Variants in TSHZ2 observed in about 807,000 individuals in gnomAD.
TSHZ2 encodes the protein teashirt homolog 2.
Under a neutral mutation model 74.4 loss-of-function variants are expected in TSHZ2, and 21 were observed. The ratio of observed to expected loss-of-function variants is 0.28; its 90% CI spans 0.20 to 0.41. The LOEUF (loss-of-function observed/expected upper bound fraction) is 0.41. TSHZ2 is among the 10% of genes least tolerant of loss of function. The pLI is 1.00. For synonymous variants in TSHZ2, 540 were observed against 515.3 expected, an observed-to-expected ratio of 1.05 and a Z score of -0.65; for missense variants, 1,244 against 1,293.5, an observed-to-expected ratio of 0.96 and a Z score of 0.59.
At chr20:53,110,274 C>G (rs1243357391) in intron 1 of TSHZ2, among the ~76,000 whole-genome samples, 1 of 152,138 alleles carries the variant, frequency 6.6e-6, no homozygotes, top group Non-Finnish European at 1.5e-5. Flanking sequence ...AAAACAAGGA[C>G]AGCCAAATTT....
At chr20:53,032,820 A>G (rs968775449) in intron 1 of TSHZ2, among the ~76,000 whole-genome samples, 3 of 152,066 alleles carry the variant, frequency 2.0e-5, no homozygotes, top group Non-Finnish European at 4.4e-5. Context: ...TGTGGGAGTA[A>G]GAATGCCTGG....
intron 1 of TSHZ2, among the ~76,000 whole-genome samples, chr20:53,133,869 G>A (rs1196534499): frequency 2.7e-5 from 4 of 149,372 alleles, no homozygotes; most frequent in African/African-American, 9.9e-5. Context: ...CTAACCCTTT[G>A]ACCAATAGAA....
At chr20:53,346,335 C>T (rs1056611956) in intron 2 of TSHZ2, among the ~76,000 whole-genome samples, 2 of 152,106 alleles carry the variant, frequency 1.3e-5, no homozygotes, top group Non-Finnish European at 2.9e-5. Context: ...ATCAGCATTG[C>T]AGAGACAACA....
intron 1 of TSHZ2, among the ~76,000 whole-genome samples, chr20:53,196,055 G>A (rs1413839194): frequency 6.6e-6 from 1 of 152,148 alleles, no homozygotes; most frequent in Non-Finnish European, 1.5e-5. Context: ...CACAGAAAGG[G>A]CTTCTGTCGG....
chr20:53,378,849 A>C (rs895624697), intron 2 of TSHZ2, among the ~76,000 whole-genome samples: 3 of 152,354 alleles, frequency 2.0e-5, no homozygotes. Flanking sequence ...GATGTAAATA[A>C]AACCACTAAA....
At chr20:53,274,355 G>A (rs962790712) in intron 2 of TSHZ2, among the ~76,000 whole-genome samples, 3 of 152,152 alleles carry the variant, frequency 2.0e-5, no homozygotes, top group Non-Finnish European at 2.9e-5. Flanking sequence ...CGCTGTGCTC[G>A]CCTTCCTATT....
At chr20:53,417,294 T>C (rs922138205) in intron 2 of TSHZ2, among the ~76,000 whole-genome samples, 1 of 151,682 alleles carries the variant, frequency 6.6e-6, no homozygotes, top group African/African-American at 2.4e-5. Context: ...GTTTTTTTTT[T>C]TTATTTGTTT....
Position 53,417,912 on chromosome 20 carries a change from T to C in TSHZ2, c.*9-69232T>C, listed in dbSNP as rs78914868. ...GAGGACCTCCTCAGCTGGTCCTGCT[T>C]TGAGTGCTAGAGACACAGCAAGGAA... On this transcript the variant is annotated intron_variant, in intron 2 of 2. Transcript: ENST00000371497. Among the ~76,000 whole-genome samples the C allele has an allele frequency of 7.1e-3, 1,084 of 152,234 alleles. 13 individuals carry two copies. Among genetic ancestry groups the C allele is most frequent in the African/African-American group, 0.025 (1,047 of 41,526 alleles).
At chr20:53,004,151 A>G (rs564031040) in intron 1 of TSHZ2, among the ~76,000 whole-genome samples, 23 of 152,118 alleles carry the variant, frequency 1.5e-4, no homozygotes, top group Non-Finnish European at 2.9e-4. Context: ...CCCCCCTCCA[A>G]TTAAATACCT....
intron 1 of TSHZ2, among the ~76,000 whole-genome samples, chr20:53,079,357 A>C (rs181832414): frequency 3.9e-5 from 6 of 152,206 alleles, no homozygotes; most frequent in Admixed American, 3.9e-4. Flanking sequence ...TAGAGACAAC[A>C]GTGTGCATAT....
chr20:53,441,489 T>C (rs1984324691), intron 2 of TSHZ2, among the ~76,000 whole-genome samples: 1 of 152,000 alleles, frequency 6.6e-6, no homozygotes, highest in Admixed American at 6.6e-5. Context: ...GGGTTTCACT[T>C]GTTAGCAAGG....
At chr20:53,174,614 G>A (rs909444021) in intron 1 of TSHZ2, among the ~76,000 whole-genome samples, 1 of 152,212 alleles carries the variant, frequency 6.6e-6, no homozygotes, top group Non-Finnish European at 1.5e-5. Context: ...ATCAAGCTCT[G>A]AGTTGTCAAG....
chr20:53,060,383 C>A (rs1282300201), intron 1 of TSHZ2, among the ~76,000 whole-genome samples: 3 of 152,214 alleles, frequency 2.0e-5, no homozygotes. Flanking sequence ...CACTTCACTA[C>A]TAATACCTAA....
chr20:53,479,590 G>GAT (rs1986090628), intron 2 of TSHZ2, among the ~76,000 whole-genome samples: 1 of 152,218 alleles, frequency 6.6e-6, no homozygotes, highest in African/African-American at 2.4e-5. Flanking sequence ...CTCTTTGTCA[G>GAT]ATAAGCTTTA....
At chr20:53,293,756 A>T (rs1203554218) in intron 2 of TSHZ2, among the ~76,000 whole-genome samples, 1 of 151,428 alleles carries the variant, frequency 6.6e-6, no homozygotes. Flanking sequence ...GGTGGCTCAC[A>T]CCTGTAATCC....
At chr20:52,999,093 TACTCTTCACTGCCACATTCC>T (rs11275894) in intron 1 of TSHZ2, among the ~76,000 whole-genome samples, 61,815 of 151,296 alleles carry the variant, frequency 0.41, 13,052 homozygotes, top group Non-Finnish European at 0.47. Context: ...AACCACGTTC[TACTCTTCACTGCCACATTCC>T]ACTCTTCACT....
In TSHZ2 at chr20:53,436,550, T is replaced by TA. The variant is rs201000764; in HGVS notation, c.*9-50594_*9-50593insA. 3.5e-3 allele frequency among the ~76,000 whole-genome samples: 442 copies of TA among 127,082 alleles called. 2 individuals carry two copies. The highest frequency in any genetic ancestry group is 9.5e-3 in the African/African-American group (336 of 35,462). 83.4% of individuals were successfully genotyped at this position (127,082 alleles called of 152,430 possible). A position where few individuals can be genotyped will look rare whatever the true frequency, so the allele number is the denominator to read the frequency against. On this transcript the variant is annotated intron_variant, in intron 2 of 2. Coordinates refer to ENST00000371497, the MANE Select transcript of TSHZ2 (RefSeq NM_173485.6). ...TTATTATTATTATTATTATTATTAT[T>TA]TTTTTTTTTTTTTTAGATGGAGCCT...
intron 2 of TSHZ2, among the ~76,000 whole-genome samples, chr20:53,454,419 G>A (rs541002764): frequency 7.2e-5 from 11 of 151,936 alleles, no homozygotes; most frequent in Middle Eastern, 3.4e-3. Context: ...AAAATTAGCC[G>A]GGCATGGTGG....
At chr20:53,107,220 A>C (rs1003624100) in intron 1 of TSHZ2, among the ~76,000 whole-genome samples, 6 of 152,140 alleles carry the variant, frequency 3.9e-5, no homozygotes, top group African/African-American at 1.4e-4. Context: ...GAAGGCTTCA[A>C]GTCTATCATC....
Sources: allele counts gnomAD v4.1 joint callset (sites outside exome capture counted in the v4.1 genomes callset), GRCh38; gene constraint gnomAD v4.1.1; transcripts MANE v1.5; gene names NCBI Gene and HGNC (gene_info 2026-07-23, HGNC 2026-07-21).